The following SYAP1 variants were observed in gnomAD, a reference collection of about 807,000 sequenced individuals.
The protein encoded by SYAP1 is synapse associated protein 1.
In SYAP1, 3 loss-of-function variants were observed where a neutral mutation model predicts 29.6. That is an observed-to-expected ratio of 0.10 (90% CI 0.05 to 0.26). The LOEUF (loss-of-function observed/expected upper bound fraction) is 0.26, where lower values mean the gene tolerates loss of function less well. Ranked by LOEUF, SYAP1 falls within the 10% of genes least tolerant of loss-of-function variation. The pLI is 1.00. For missense variants in SYAP1, 217 were observed against 264.1 expected, an observed-to-expected ratio of 0.82 and a Z score of 1.24; for synonymous variants, 102 against 102.7, an observed-to-expected ratio of 0.99 and a Z score of 0.04.
At chrX:16,722,910 T>A (rs1462734983) in intron 1 of SYAP1, among the ~76,000 whole-genome samples, 2 of 112,449 alleles carry the variant, frequency 1.8e-5, no homozygotes, top group African/African-American at 6.5e-5. Flanking sequence ...CCTCTACTCT[T>A]TCTGAAAAAA....
chrX:16,752,975 C>T (rs747873925), intron 5 of SYAP1, among the ~76,000 whole-genome samples: 133 of 110,777 alleles, frequency 1.2e-3, no homozygotes, highest in Non-Finnish European at 1.5e-3. Flanking sequence ...GGCATGGTGG[C>T]TTACACCTGT....
At chrX:16,757,744 T>TA (rs1172529556) in intron 8 of SYAP1, among the ~76,000 whole-genome samples, 1 of 95,855 alleles carries the variant, frequency 1.0e-5, no homozygotes, top group Non-Finnish European at 2.1e-5. Context: ...AATAAATAAA[T>TA]AATAAGTTTT....
chrX:16,761,463 C>A lies in SYAP1; in HGVS notation c.*1104C>A, dbSNP rs749080771. 1 of 111,382 alleles carries A rather than the reference C, an allele frequency of 9.0e-6. No individual in the cohort carries two copies. Among genetic ancestry groups the A allele is most frequent in the East Asian group, 2.8e-4 (1 of 3,564 alleles). The allele number at this position is 111,382 out of a possible 1,213,427, so 9.2% of individuals were successfully genotyped here. ...CTGTGAGTCTTCATAAAATTGTGTT[C>A]CTCCGAGTTCACCTTCTAGGACTTT... On this transcript the variant is annotated 3_prime_UTR_variant, in exon 9 of 9. Transcript: ENST00000380155.
chrX:16,752,003 A>G (rs1287934009), intron 5 of SYAP1, among the ~76,000 whole-genome samples: 1 of 59,494 alleles, frequency 1.7e-5, no homozygotes, highest in Non-Finnish European at 2.8e-5. Context: ...TTTTTTTGAG[A>G]CAAAGTCTTA....
rs1414035814 is a variant in SYAP1 at position 16,754,983 on chromosome X, G to A, written c.614G>A (p.Arg205His). 1 of 1,209,398 alleles carries A rather than the reference G, an allele frequency of 8.3e-7. No individual in the cohort carries two copies. The highest frequency in any genetic ancestry group is 1.8e-5 in the African/African-American group (1 of 57,121). ...GTGTTCTGGAGGAACTACTTTTACC[G>A]CGTCTCCCTGATTAAGCAGTCAGCC... is the stretch of plus-strand genomic sequence containing the variant. ...EEVFWRNYFY[R>H]VSLIKQSAQL... is the part of the protein sequence containing the mutation. Residue 205 changes from arginine to histidine, a missense_variant, in exon 6 of 9, where the codon CGC becomes CAC. Arg to His is a conservative substitution (Grantham distance 29). Transcript: ENST00000380155.
Position 16,755,329 on chromosome X carries a change from G to GT in SYAP1, c.724+247dup, listed in dbSNP as rs1266314147. Among the ~76,000 whole-genome samples, 338 of 100,037 alleles carry GT rather than the reference G, an allele frequency of 3.4e-3. 1 individual carries two copies. The highest frequency in any genetic ancestry group is 4.7e-3 in the Non-Finnish European group (231 of 48,878). The allele number at this position is 100,037 out of a possible 115,157, so 86.9% of individuals were successfully genotyped here. On this transcript the variant is annotated intron_variant, in intron 6 of 8. Transcript: ENST00000380155. ...TTTCTCATTCCTTGTTTTCGTTTTT[G>GT]TTTTTTTTTTTAGACACGGGTCTCA... is the stretch of plus-strand genomic sequence containing the variant.
chrX:16,734,779 C>T (rs4487958), intron 1 of SYAP1, among the ~76,000 whole-genome samples: 49,147 of 108,582 alleles, frequency 0.45, 9,961 homozygotes, highest in African/African-American at 0.78. Context: ...GCAGATCATT[C>T]GAGGCCAGAA....
chrX:16,760,479 T>G lies in SYAP1; in HGVS notation c.*120T>G. The G allele has an allele frequency of 1.3e-6, 1 of 787,670 alleles. No homozygotes were observed. Among genetic ancestry groups the G allele is most frequent in the Non-Finnish European group, 1.7e-6 (1 of 585,407 alleles). 64.9% of individuals were successfully genotyped at this position (787,670 alleles called of 1,213,427 possible). ...TATAATTTTATGAAATTCAAAATTA[T>G]TCTTTTTTCAAGTTGAAACTTGCCT... is the stretch of plus-strand genomic sequence containing the variant. On this transcript the variant is annotated 3_prime_UTR_variant, in exon 9 of 9. Coordinates refer to ENST00000380155, the MANE Select transcript of SYAP1 (RefSeq NM_032796.4).
intron 1 of SYAP1, among the ~76,000 whole-genome samples, chrX:16,722,361 C>G (rs750575862): frequency 1.7e-4 from 19 of 110,678 alleles, no homozygotes; most frequent in African/African-American, 5.9e-4. Flanking sequence ...AACCCTGTCC[C>G]TACTAAAAAT....
At chrX:16,752,258 G>A (rs1233491727) in intron 5 of SYAP1, among the ~76,000 whole-genome samples, 1 of 108,868 alleles carries the variant, frequency 9.2e-6, no homozygotes, top group African/African-American at 3.3e-5. Context: ...GACTACAGAC[G>A]TAGGCCACCA....
chrX:16,735,371 A>C, intron 2 of SYAP1, 26 bp downstream of exon 2: 1 of 957,321 alleles, frequency 1.0e-6, no homozygotes, highest in Non-Finnish European at 1.5e-6. Flanking sequence ...TTTTGGAAGT[A>C]GAAATGTATG....
intron 1 of SYAP1, among the ~76,000 whole-genome samples, chrX:16,723,273 T>C (rs1277159417): frequency 1.8e-5 from 2 of 112,369 alleles, no homozygotes; most frequent in Non-Finnish European, 3.8e-5. Context: ...AAATATCTAA[T>C]TGAGTTCTGA....
At chrX:16,739,504 AGTCT>A (rs1372321480) in intron 3 of SYAP1, among the ~76,000 whole-genome samples, 1 of 65,591 alleles carries the variant, frequency 1.5e-5, no homozygotes, top group Non-Finnish European at 2.7e-5. Flanking sequence ...TTTGAAACGG[AGTCT>A]GTCTGTTGCC....
At chrX:16,729,052 G>GAAAAAAAAAAAAAAAAAAAAA (rs140902155) in intron 1 of SYAP1, among the ~76,000 whole-genome samples, 1 of 95,708 alleles carries the variant, frequency 1.0e-5, no homozygotes. Flanking sequence ...AAAAAAAAAA[G>GAAAAAAAAAAAAAAAAAAAAA]AAAAAAAAAA....
intron 3 of SYAP1, among the ~76,000 whole-genome samples, chrX:16,739,465 ACTCT>A (rs1214604346): frequency 1.3e-5 from 1 of 79,014 alleles, no homozygotes. Context: ...TTTTCAAATC[ACTCT>A]CTCTCTCTTT....
chrX:16,735,909 G>A (rs1926319417), intron 2 of SYAP1, among the ~76,000 whole-genome samples: 1 of 112,786 alleles, frequency 8.9e-6, no homozygotes, highest in Admixed American at 9.4e-5. Context: ...ACAGGCATGA[G>A]CCACCACGCC....
chrX:16,753,199 G>A (rs1343655818), intron 5 of SYAP1, among the ~76,000 whole-genome samples: 5 of 104,029 alleles, frequency 4.8e-5, no homozygotes, highest in Non-Finnish European at 7.8e-5. Flanking sequence ...AGCCAAGATC[G>A]CGCCACTGCA....
intron 1 of SYAP1, among the ~76,000 whole-genome samples, chrX:16,721,239 C>A (rs751794031): frequency 2.7e-5 from 3 of 110,310 alleles, no homozygotes; most frequent in East Asian, 2.9e-4. Context: ...AAGGGCCGAA[C>A]AGTTTTTCTG....
At chrX:16,722,131 G>A (rs1413719906) in intron 1 of SYAP1, among the ~76,000 whole-genome samples, 1 of 112,376 alleles carries the variant, frequency 8.9e-6, no homozygotes, top group Admixed American at 9.5e-5. Flanking sequence ...ATCCTAAGAA[G>A]TATATTGTCT....
Sources: allele counts gnomAD v4.1 joint callset (sites outside exome capture counted in the v4.1 genomes callset), GRCh38; gene constraint gnomAD v4.1.1; transcripts MANE v1.5; gene names NCBI Gene and HGNC (gene_info 2026-07-23, HGNC 2026-07-21).